Variants in WWOX observed in about 807,000 individuals in gnomAD.
The protein encoded by WWOX is WW domain containing oxidoreductase.
Under a neutral mutation model 46.2 loss-of-function variants are expected in WWOX, and 69 were observed. That is an observed-to-expected ratio of 1.49 (90% CI 1.23 to 1.82). The LOEUF is 1.82. WWOX is among the 40% of genes most tolerant of loss of function. The pLI, the probability that WWOX is intolerant of heterozygous loss-of-function variation, is 0.00. For synonymous variants in WWOX, 359 were observed against 202.6 expected, an observed-to-expected ratio of 1.77 and a Z score of -6.56; for missense variants, 919 against 542.6, an observed-to-expected ratio of 1.69 and a Z score of -6.89.
chr16:78,699,767 C>T (rs1009782795), intron 8 of WWOX, among the ~76,000 whole-genome samples: 7 of 152,172 alleles, frequency 4.6e-5, no homozygotes, highest in African/African-American at 1.7e-4. Context: ...TAATGATCTT[C>T]TGGCCAACTC....
chr16:79,131,971 A>C (rs899541544), intron 8 of WWOX, among the ~76,000 whole-genome samples: 3 of 152,144 alleles, frequency 2.0e-5, no homozygotes, highest in Admixed American at 6.5e-5. Context: ...CTTATTCACT[A>C]TCATGAGAAT....
At chr16:78,707,904 G>C (rs2048357880) in intron 8 of WWOX, among the ~76,000 whole-genome samples, 1 of 152,004 alleles carries the variant, frequency 6.6e-6, no homozygotes, top group African/African-American at 2.4e-5. Context: ...CTGTCCCCAA[G>C]TCACAATGCT....
intron 8 of WWOX, among the ~76,000 whole-genome samples, chr16:78,806,326 C>T (rs371791872): frequency 6.6e-6 from 1 of 152,136 alleles, no homozygotes; most frequent in African/African-American, 2.4e-5. Flanking sequence ...TAAAGTTTGA[C>T]TATATTCCAG....
intron 8 of WWOX, among the ~76,000 whole-genome samples, chr16:78,940,919 G>C (rs573079657): frequency 6.6e-6 from 1 of 151,746 alleles, no homozygotes; most frequent in Non-Finnish European, 1.5e-5. Flanking sequence ...CCATTTGCTT[G>C]GATCCCAAGG....
intron 8 of WWOX, among the ~76,000 whole-genome samples, chr16:79,119,375 G>A (rs548075235): frequency 2.0e-4 from 30 of 152,218 alleles, no homozygotes; most frequent in African/African-American, 7.2e-4. Context: ...GATGACAAGT[G>A]GATACTTAAG....
At chr16:78,826,928 A>C (rs1367497019) in intron 8 of WWOX, among the ~76,000 whole-genome samples, 1 of 152,154 alleles carries the variant, frequency 6.6e-6, no homozygotes, top group South Asian at 2.1e-4. Context: ...TACATGCCGG[A>C]CACCAAGCTA....
At chr16:79,086,653 G>A (rs2048859299) in intron 8 of WWOX, among the ~76,000 whole-genome samples, 1 of 152,108 alleles carries the variant, frequency 6.6e-6, no homozygotes, top group East Asian at 1.9e-4. Flanking sequence ...GGCCAAGGTG[G>A]GAAAATCACT....
intron 8 of WWOX, among the ~76,000 whole-genome samples, chr16:78,786,469 T>C (rs2050458713): frequency 6.6e-6 from 1 of 152,198 alleles, no homozygotes; most frequent in Non-Finnish European, 1.5e-5. Context: ...TTAGAAGTCA[T>C]GAGTTTTGAG....
intron 4 of WWOX, among the ~76,000 whole-genome samples, chr16:78,149,475 T>A (rs901745019): frequency 2.6e-5 from 4 of 152,184 alleles, no homozygotes; most frequent in African/African-American, 9.6e-5. Context: ...AGAAGAACAT[T>A]TGCCAATGCA....
chr16:78,685,490 T>G (rs1249985188), intron 8 of WWOX, among the ~76,000 whole-genome samples: 7 of 152,238 alleles, frequency 4.6e-5, no homozygotes, highest in South Asian at 2.1e-4. Context: ...GTTAAGTGCA[T>G]TTTAAAACTA....
chr16:78,618,140 C>G (rs2548848), intron 8 of WWOX, among the ~76,000 whole-genome samples: 85,819 of 152,062 alleles, frequency 0.56, 25,076 homozygotes, highest in Non-Finnish European at 0.64. Flanking sequence ...GGCAGGAAAT[C>G]ACTCACTGAA....
chr16:78,454,448 G>A (rs1172429404), intron 8 of WWOX, among the ~76,000 whole-genome samples: 1 of 151,508 alleles, frequency 6.6e-6, no homozygotes, highest in Non-Finnish European at 1.5e-5. Context: ...TATCTGAGCA[G>A]TGTCCTGCTG....
intron 8 of WWOX, among the ~76,000 whole-genome samples, chr16:79,077,729 T>C (rs553490677): frequency 6.6e-6 from 1 of 151,090 alleles, no homozygotes; most frequent in East Asian, 2.0e-4. Flanking sequence ...GTGTAAGAAA[T>C]AATAATCTTT....
intron 8 of WWOX, among the ~76,000 whole-genome samples, chr16:78,847,368 A>T (rs1002223730): frequency 6.6e-6 from 1 of 152,190 alleles, no homozygotes; most frequent in Admixed American, 6.5e-5. Flanking sequence ...TTCTGGACAC[A>T]TTCCATTATT....
intron 8 of WWOX, among the ~76,000 whole-genome samples, chr16:79,075,183 C>G (rs998401716): frequency 1.1e-4 from 16 of 152,212 alleles, no homozygotes; most frequent in Admixed American, 2.6e-4. Context: ...TCCTAAGAGT[C>G]TGCATTTGTA....
At chr16:78,371,298 C>T (rs570546735) in intron 5 of WWOX, among the ~76,000 whole-genome samples, 1 of 152,180 alleles carries the variant, frequency 6.6e-6, no homozygotes, top group South Asian at 2.1e-4. Context: ...AGATGAAAAC[C>T]ATTTATTTTC....
chr16:78,417,646 G>C (rs1243405600), intron 6 of WWOX, among the ~76,000 whole-genome samples: 1 of 152,132 alleles, frequency 6.6e-6, no homozygotes, highest in Non-Finnish European at 1.5e-5. Flanking sequence ...TTTTAGCAGT[G>C]GTCCTGTCTT....
intron 8 of WWOX, chr16:78,552,452 C>G (rs1430947451): frequency 6.6e-6 from 1 of 152,216 alleles, no homozygotes; most frequent in African/African-American, 2.4e-5. Flanking sequence ...CAGCTCCATG[C>G]TGGATATTTA....
intron 5 of WWOX, among the ~76,000 whole-genome samples, chr16:78,265,183 T>C (rs2079336863): frequency 6.6e-6 from 1 of 151,756 alleles, no homozygotes; most frequent in Admixed American, 6.6e-5. Flanking sequence ...GTATTTTTGG[T>C]AGAAACGGGG....
Sources: gnomAD v4.1 joint callset for allele counts (sites outside exome capture counted in the v4.1 genomes callset) on GRCh38, gnomAD v4.1.1 for gene constraint, MANE v1.5 for transcripts, NCBI Gene and HGNC (gene_info 2026-07-23, HGNC 2026-07-21) for gene names.